Variants in FAM13C observed in about 807,000 individuals in gnomAD.
The protein encoded by FAM13C is family with sequence similarity 13 member C.
In FAM13C, 37 loss-of-function variants were observed where a neutral mutation model predicts 73.2. That is an observed-to-expected ratio of 0.51 (90% CI 0.39 to 0.67). FAM13C has a LOEUF of 0.67. Among genes scored for constraint, FAM13C ranks in the 30% least tolerant of loss-of-function variants. FAM13C has a pLI of 0.00. For synonymous variants in FAM13C, 246 were observed against 260.9 expected (o/e 0.94, Z 0.55); for missense variants, 589 against 715.6 (o/e 0.82, Z 2.02).
At chr10:59,316,156 A>G (rs1027015908) in intron 4 of FAM13C, among the ~76,000 whole-genome samples, 21 of 152,074 alleles carry the variant, frequency 1.4e-4, no homozygotes, top group African/African-American at 4.6e-4. Flanking sequence ...GCTGGTCTCA[A>G]ACTCCTGGCC....
Position 59,352,332 on chromosome 10 carries a change from TGAA to T in FAM13C, c.259_261del (p.Phe87del), listed in dbSNP as rs778176740. The T allele has an allele frequency of 1.1e-4, 184 of 1,614,064 alleles. No individual in the cohort carries two copies. The highest frequency in any genetic ancestry group is 1.5e-4 in the Non-Finnish European group (172 of 1,180,032). ...AAGATGGACTTGGGCTTCCTGGACTTGAAGTTGCCCATGCTGGGTCGCAATACG... is the reference window on the plus strand; with the variant it reads ...AAGATGGACTTGGGCTTCCTGGACTTGTTGCCCATGCTGGGTCGCAATACG... On this transcript the variant is annotated inframe_deletion, in exon 3 of 14. Transcript: ENST00000618804.
At chr10:59,307,156 G>A (rs1848348986) in intron 4 of FAM13C, among the ~76,000 whole-genome samples, 1 of 152,102 alleles carries the variant, frequency 6.6e-6, no homozygotes, top group East Asian at 1.9e-4. Context: ...CTTGAGGTGA[G>A]ACTGAAATAG....
chr10:59,274,860 G>A (rs1844147629), intron 6 of FAM13C, among the ~76,000 whole-genome samples: 1 of 152,174 alleles, frequency 6.6e-6, no homozygotes, highest in Non-Finnish European at 1.5e-5. Context: ...TCCTGCCCAG[G>A]TCCAGGGTTC....
At chr10:59,264,020 G>A in intron 9 of FAM13C, 65 bp downstream of exon 9, 1 of 1,408,654 alleles carries the variant, frequency 7.1e-7, no homozygotes, top group South Asian at 1.2e-5. Flanking sequence ...AAATGCTCTG[G>A]AGCACATTAT....
At chr10:59,320,654 G>T (rs1227489284) in intron 4 of FAM13C, among the ~76,000 whole-genome samples, 1 of 152,196 alleles carries the variant, frequency 6.6e-6, no homozygotes, top group East Asian at 1.9e-4. Context: ...AAGAGTTATG[G>T]ACAGAAAAAG....
intron 2 of FAM13C, among the ~76,000 whole-genome samples, chr10:59,353,696 A>G (rs1855360408): frequency 6.6e-6 from 1 of 152,242 alleles, no homozygotes. Flanking sequence ...AAAAGAGCAA[A>G]GCAAATATCA....
In FAM13C at chr10:59,253,476, CA is replaced by C. The variant is rs143205760; in HGVS notation, c.1333-479del. Among the ~76,000 whole-genome samples the C allele has an allele frequency of 6.8e-3, 1,031 of 152,334 alleles. 9 individuals are homozygous for C. Among genetic ancestry groups the C allele is most frequent in the African/African-American group, 0.024 (981 of 41,578 alleles). On this transcript the variant is annotated intron_variant, in intron 11 of 13. Coordinates refer to ENST00000618804, the MANE Select transcript of FAM13C (RefSeq NM_198215.4). The stretch of plus-strand genomic sequence containing the variant: ...AGGATACTCAGTAAATTGACAAGTT[CA>C]GGGGAGAGCTATTTGAAGGCCAAAG...
intron 10 of FAM13C, among the ~76,000 whole-genome samples, chr10:59,260,443 T>C (rs1819527403): frequency 6.6e-6 from 1 of 152,174 alleles, no homozygotes. Flanking sequence ...CAACAAGCTC[T>C]TCCTTTCATC....
chr10:59,362,419 G>A lies in FAM13C; in HGVS notation c.42C>T (p.Phe14=). Residue 14 remains phenylalanine, a synonymous_variant, in exon 1 of 14, where the codon TTC becomes TTT. Coordinates refer to ENST00000618804, the MANE Select transcript of FAM13C (RefSeq NM_198215.4). The part of the protein sequence containing the change: ...CFCFSLQDNS[F]SSTTVTECDE... ...CTTACTCTGTTACAGTGGTGCTGCT[G>A]AAGGAATTATCCTGAAGGCTGAAAC... 6.2e-7 allele frequency: 1 copy of A among 1,614,020 alleles called. No individual in the cohort carries two copies. The highest frequency in any genetic ancestry group is 1.1e-5 in the South Asian group (1 of 90,998).
intron 3 of FAM13C, among the ~76,000 whole-genome samples, chr10:59,350,971 C>T (rs897426641): frequency 3.3e-5 from 5 of 152,168 alleles, no homozygotes; most frequent in African/African-American, 7.2e-5. Context: ...GTGCATTACA[C>T]GTAAAATCTC....
chr10:59,336,446 C>A (rs1388753385), intron 3 of FAM13C, among the ~76,000 whole-genome samples: 1 of 152,146 alleles, frequency 6.6e-6, no homozygotes, highest in Non-Finnish European at 1.5e-5. Context: ...ACCACTATGA[C>A]CACTGCTCAC....
rs1339110563 is a variant in FAM13C, at chr10:59,251,667, A to G, written c.1542T>C (p.Leu514=). 1 of 1,611,204 alleles carries G rather than the reference A, an allele frequency of 6.2e-7. No homozygotes were observed. The highest frequency in any genetic ancestry group is 1.7e-5 in the Admixed American group (1 of 59,448). The stretch of plus-strand genomic sequence containing the variant: ...CCCTAGTTTCTCGGAGATGGTCAAG[A>G]AGTACAGGCCTATATAAGGTAAAAT... ...SNLHEATMPV[L]LDHLRETRAD... is the part of the protein sequence containing the mutation. Residue 514 remains leucine, a synonymous_variant, in exon 13 of 14, where the codon CTT becomes CTC. Transcript: ENST00000618804.
intron 3 of FAM13C, among the ~76,000 whole-genome samples, chr10:59,326,325 A>G (rs751438087): frequency 1.3e-5 from 2 of 152,138 alleles, no homozygotes; most frequent in Non-Finnish European, 2.9e-5. Context: ...ACTGTCACCT[A>G]TGTTTCTTTT....
At chr10:59,332,222 C>A (rs983311767) in intron 3 of FAM13C, among the ~76,000 whole-genome samples, 2 of 151,514 alleles carry the variant, frequency 1.3e-5, no homozygotes, top group Non-Finnish European at 2.9e-5. Context: ...AGGGGTAGAT[C>A]AATATGTTTG....
intron 8 of FAM13C, among the ~76,000 whole-genome samples, chr10:59,264,797 C>T (rs1842856023): frequency 6.6e-6 from 1 of 152,092 alleles, no homozygotes. Flanking sequence ...GTCAAACATA[C>T]TGTCCCTCTA....
intron 5 of FAM13C, among the ~76,000 whole-genome samples, chr10:59,284,778 C>A (rs1845363912): frequency 6.6e-6 from 1 of 151,116 alleles, no homozygotes; most frequent in Non-Finnish European, 1.5e-5. Flanking sequence ...ATACCTCATA[C>A]CCTCACATCC....
chr10:59,315,137 C>A (rs1849373005), intron 4 of FAM13C, among the ~76,000 whole-genome samples: 1 of 152,136 alleles, frequency 6.6e-6, no homozygotes, highest in African/African-American at 2.4e-5. Flanking sequence ...ATAATATAAA[C>A]TTATCACTTT....
upstream of FAM13C, chr10:59,362,572 C>G: frequency 1.3e-6 from 2 of 1,540,218 alleles, no homozygotes; most frequent in Non-Finnish European, 1.7e-6. Flanking sequence ...CACGCTCGCT[C>G]TACCTTGGGC....
At chr10:59,266,954 T>C (rs2133522125) in intron 8 of FAM13C, among the ~76,000 whole-genome samples, 1 of 152,356 alleles carries the variant, frequency 6.6e-6, no homozygotes, top group South Asian at 2.1e-4. Context: ...CCAAACACTG[T>C]AATAAGCATT....
Sources: allele counts gnomAD v4.1 joint callset (sites outside exome capture counted in the v4.1 genomes callset), GRCh38; gene constraint gnomAD v4.1.1; transcripts MANE v1.5; gene names NCBI Gene and HGNC (gene_info 2026-07-23, HGNC 2026-07-21).